GRB10: variants seen among roughly 807,000 people sequenced by gnomAD.
GRB10 encodes growth factor receptor-bound protein 10.
GRB10 carries 20 observed loss-of-function variants against 80.9 expected under a neutral mutation model. That is an observed-to-expected ratio of 0.25 (90% CI 0.17 to 0.36). The LOEUF (loss-of-function observed/expected upper bound fraction) is 0.36, where lower values mean the gene tolerates loss of function less well. Ranked by LOEUF, GRB10 falls within the 10% of genes least tolerant of loss-of-function variation. The pLI is 1.00. For missense variants in GRB10, 548 were observed against 747.7 expected, an observed-to-expected ratio of 0.73 and a Z score of 3.12; for synonymous variants, 291 against 291.5, an observed-to-expected ratio of 1.00 and a Z score of 0.02.
At chr7:50,736,200 T>G (rs1214373134) in intron 3 of GRB10, among the ~76,000 whole-genome samples, 3 of 152,122 alleles carry the variant, frequency 2.0e-5, no homozygotes, top group Admixed American at 2.0e-4. Context: ...GCAGGAGAAT[T>G]GCTTGAACCT....
At chr7:50,718,837 C>T (rs1225697922) in intron 4 of GRB10, among the ~76,000 whole-genome samples, 1 of 152,076 alleles carries the variant, frequency 6.6e-6, no homozygotes, top group Non-Finnish European at 1.5e-5. Flanking sequence ...AATTACTGTC[C>T]AATGTCTAAG....
intron 5 of GRB10, among the ~76,000 whole-genome samples, chr7:50,682,301 T>C (rs1054794853): frequency 2.0e-5 from 3 of 152,238 alleles, no homozygotes; most frequent in African/African-American, 7.2e-5. Context: ...CAGCCTGCCT[T>C]GGCATCTGTT....
At chr7:50,715,012 G>A (rs1377166190) in intron 4 of GRB10, among the ~76,000 whole-genome samples, 2 of 150,906 alleles carry the variant, frequency 1.3e-5, no homozygotes, top group African/African-American at 5.0e-5. Context: ...TCATTGTCCT[G>A]GCTGACCAGG....
At chr7:50,604,228 T>C (rs1463622716) in intron 16 of GRB10, 83 bp downstream of exon 16, 26 of 1,352,372 alleles carry the variant, frequency 1.9e-5, no homozygotes, top group Non-Finnish European at 2.5e-5. Context: ...CACAGGCAAA[T>C]TCGTAAGGCT....
At chr7:50,641,890 C>A (rs1390490230) in intron 7 of GRB10, among the ~76,000 whole-genome samples, 2 of 152,130 alleles carry the variant, frequency 1.3e-5, no homozygotes, top group African/African-American at 4.8e-5. Context: ...AGACTGGCGC[C>A]GAGGAGGCAA....
intron 2 of GRB10, among the ~76,000 whole-genome samples, chr7:50,778,095 C>G (rs553374000): frequency 2.6e-4 from 39 of 152,134 alleles, no homozygotes; most frequent in Non-Finnish European, 4.7e-4. Flanking sequence ...AAAAACTAGC[C>G]TAATGAAATA....
intron 4 of GRB10, among the ~76,000 whole-genome samples, chr7:50,709,102 T>C (rs1456979357): frequency 1.3e-5 from 2 of 152,208 alleles, no homozygotes; most frequent in African/African-American, 2.4e-5. Flanking sequence ...AATGCTGAAC[T>C]TTCCCAAATC....
intron 5 of GRB10, among the ~76,000 whole-genome samples, chr7:50,690,295 T>TCAAACAAA (rs753269301): frequency 1.3e-4 from 13 of 101,136 alleles, no homozygotes; most frequent in African/African-American, 4.2e-4. Context: ...AAACTCTGTC[T>TCAAACAAA]CAAACAAACA....
intron 4 of GRB10, among the ~76,000 whole-genome samples, chr7:50,715,934 G>A (rs1257824320): frequency 6.6e-6 from 1 of 152,216 alleles, no homozygotes; most frequent in Non-Finnish European, 1.5e-5. Flanking sequence ...GCTGGAGAGA[G>A]CTTCCAAGCT....
At chr7:50,717,248 T>C (rs1448306661) in intron 4 of GRB10, among the ~76,000 whole-genome samples, 10 of 152,218 alleles carry the variant, frequency 6.6e-5, no homozygotes, top group Non-Finnish European at 1.0e-4. Context: ...GTCTTCACCA[T>C]TCCTTCCACT....
chr7:50,768,930 AAC>A (rs2076675395), intron 2 of GRB10, among the ~76,000 whole-genome samples: 1 of 152,182 alleles, frequency 6.6e-6, no homozygotes, highest in African/African-American at 2.4e-5. Context: ...TACTTCTTGG[AAC>A]AGAGGCAAAG....
chr7:50,773,367 G>A (rs2077171776), intron 2 of GRB10, among the ~76,000 whole-genome samples: 1 of 114,782 alleles, frequency 8.7e-6, no homozygotes, highest in African/African-American at 2.9e-5. Context: ...GGCAAGGGAA[G>A]AGGAAGCGGA....
intron 8 of GRB10, among the ~76,000 whole-genome samples, chr7:50,624,737 A>G (rs982597624): frequency 6.6e-6 from 1 of 152,232 alleles, no homozygotes; most frequent in Admixed American, 6.5e-5. Context: ...GTGAGAAAGA[A>G]AACTGAGGAA....
intron 2 of GRB10, among the ~76,000 whole-genome samples, chr7:50,773,379 T>TGGGAAGGGAAG (rs1373385569): frequency 0.018 from 1,005 of 56,190 alleles, 45 homozygotes; most frequent in South Asian, 0.037. Context: ...GGAAGCGGAA[T>TGGGAAGGGAAG]GGGAAGGGAA....
Position 50,604,293 on chromosome 7 carries a change from G to A in GRB10, c.1456+18C>T, listed in dbSNP as rs1372870968. The A allele has an allele frequency of 1.3e-6, 2 of 1,597,864 alleles. No individual in the cohort carries two copies. The highest frequency in any genetic ancestry group is 1.7e-6 in the Non-Finnish European group (2 of 1,165,232). On this transcript the variant is annotated intron_variant, in intron 16 of 18. Coordinates refer to ENST00000401949, the MANE Select transcript of GRB10 (RefSeq NM_001350814.2). ...TTTTCTTTATGTACAAAAACATCAG[G>A]CAATGTGCCCTGTTTACCTGTACTT... is the stretch of plus-strand genomic sequence containing the variant.
chr7:50,627,660 T>C (rs1048088192), intron 7 of GRB10, among the ~76,000 whole-genome samples: 10 of 152,196 alleles, frequency 6.6e-5, no homozygotes, highest in African/African-American at 2.4e-4. Flanking sequence ...GGCCAAGGGA[T>C]GGAGAAGTAG....
rs117534474 is a variant in GRB10, at chr7:50,733,058, T to C, written c.-46-690A>G. ...CCCTAACTCCTAGTACCTCAGAATG[T>C]GACTGTATTTGGAAGGAGGGTCTTT... On this transcript the variant is annotated intron_variant, in intron 3 of 18. Transcript: ENST00000401949. 2.7e-3 allele frequency among the ~76,000 whole-genome samples: 413 copies of C among 152,342 alleles called. 1 individual carries two copies. The highest frequency in any genetic ancestry group is 6.8e-3 in the Middle Eastern group (2 of 294).
At chr7:50,602,901 G>A (rs868636575) in intron 17 of GRB10, among the ~76,000 whole-genome samples, 1 of 152,082 alleles carries the variant, frequency 6.6e-6, no homozygotes, top group Non-Finnish European at 1.5e-5. Flanking sequence ...CTTTAAAATA[G>A]AAGAGGAGGA....
chr7:50,756,373 C>T (rs1455306535), intron 2 of GRB10, among the ~76,000 whole-genome samples: 1 of 152,164 alleles, frequency 6.6e-6, no homozygotes, highest in African/African-American at 2.4e-5. Flanking sequence ...AGACCTTTGC[C>T]CTCTTGCAAG....
Sources: gnomAD v4.1 joint callset for allele counts (sites outside exome capture counted in the v4.1 genomes callset) on GRCh38, gnomAD v4.1.1 for gene constraint, MANE v1.5 for transcripts, NCBI Gene and HGNC (gene_info 2026-07-23, HGNC 2026-07-21) for gene names.